Variants in SPHKAP observed in about 807,000 individuals in gnomAD.
SPHKAP encodes the protein A-kinase anchor protein SPHKAP.
A neutral mutation model predicts 137.5 loss-of-function variants in SPHKAP; 67 were observed. The ratio of observed to expected loss-of-function variants is 0.49; its 90% CI spans 0.40 to 0.60. SPHKAP has a LOEUF of 0.60. SPHKAP is among the 20% of genes least tolerant of loss of function. The pLI, the probability that SPHKAP is intolerant of heterozygous loss-of-function variation, is 0.00. For missense variants in SPHKAP, 2,097 were observed against 2,069.3 expected (o/e 1.01, Z -0.26); for synonymous variants, 813 against 785.3 (o/e 1.04, Z -0.59).
chr2:228,092,176 CAT>C (rs71043023), intron 3 of SPHKAP, among the ~76,000 whole-genome samples: 65,071 of 143,268 alleles, frequency 0.45, 14,894 homozygotes, highest in South Asian at 0.54. Flanking sequence ...TGTACACACA[CAT>C]GTGTGTACAT....
intron 3 of SPHKAP, among the ~76,000 whole-genome samples, chr2:228,031,124 AAG>A (rs1359979253): frequency 6.6e-6 from 1 of 152,180 alleles, no homozygotes; most frequent in Non-Finnish European, 1.5e-5. Context: ...TAGTCAAAGA[AAG>A]GGGTGACAGA....
At chr2:228,071,685 T>G (rs1054014136) in intron 3 of SPHKAP, among the ~76,000 whole-genome samples, 22 of 152,228 alleles carry the variant, frequency 1.4e-4, no homozygotes, top group African/African-American at 5.3e-4. Context: ...AATTTCATTT[T>G]CTTTCTTTTT....
intron 11 of SPHKAP, among the ~76,000 whole-genome samples, chr2:227,985,944 C>T (rs1316485027): frequency 6.6e-6 from 1 of 152,166 alleles, no homozygotes; most frequent in Admixed American, 6.5e-5. Context: ...GCAATTAAGG[C>T]CTGTAGAGCT....
chr2:228,118,995 G>A (rs956003555), intron 2 of SPHKAP, among the ~76,000 whole-genome samples: 1 of 152,138 alleles, frequency 6.6e-6, no homozygotes, highest in African/African-American at 2.4e-5. Flanking sequence ...TAACTATTAT[G>A]AAAATAACTA....
intron 3 of SPHKAP, among the ~76,000 whole-genome samples, chr2:228,040,657 G>T (rs1166877572): frequency 2.0e-5 from 3 of 152,186 alleles, no homozygotes; most frequent in Admixed American, 6.5e-5. Flanking sequence ...AAGAGATACA[G>T]TAAAAGGAGT....
Position 228,025,535 on chromosome 2 carries a change from A to T in SPHKAP, c.307-7T>A. The T allele has an allele frequency of 3.7e-6, 6 of 1,613,070 alleles. No homozygotes were observed. The highest frequency in any genetic ancestry group is 5.1e-6 in the Non-Finnish European group (6 of 1,179,676). On this transcript the variant is annotated splice_polypyrimidine_tract_variant and splice_region_variant and intron_variant, in intron 4 of 11. Coordinates refer to ENST00000392056, the MANE Select transcript of SPHKAP (RefSeq NM_001142644.2). ...GTGAAACGTTGACCAGTTTCTGTAA[A>T]GCAAGAATCTTTATTAGTTTAGCTG...
chr2:227,995,464 G>A (rs780532416), intron 8 of SPHKAP, 45 bp downstream of exon 8: 1 of 1,606,914 alleles, frequency 6.2e-7, no homozygotes, highest in Non-Finnish European at 8.5e-7. Flanking sequence ...TTTAGAATCT[G>A]TGTTGAGACC....
Position 228,017,426 on chromosome 2 carries a change from C to T in SPHKAP, c.3428G>A (p.Gly1143Glu), listed in dbSNP as rs868719817. Residue 1143 changes from glycine to glutamate, a missense_variant, in exon 7 of 12, where the codon GGA becomes GAA. Coordinates refer to ENST00000392056, the MANE Select transcript of SPHKAP (RefSeq NM_001142644.2). ...MVNQMENEGR[G>E]FELLLDYYAG... is the part of the protein sequence containing the mutation. ...ATAGTAATCCAGCAGTAACTCAAAT[C>T]CTCTCCCTTCATTTTCCATCTGGTT... 5 of 1,614,032 alleles carry T rather than the reference C, an allele frequency of 3.1e-6. No homozygotes were observed. In the South Asian group the frequency reaches 5.5e-5, roughly 18 times the overall value.
chr2:228,150,010 A>G (rs923565610), intron 1 of SPHKAP, among the ~76,000 whole-genome samples: 1 of 152,140 alleles, frequency 6.6e-6, no homozygotes, highest in African/African-American at 2.4e-5. Context: ...TTACACCACC[A>G]TGTATTATGC....
intron 1 of SPHKAP, among the ~76,000 whole-genome samples, chr2:228,134,033 A>AAAGG (rs1481456697): frequency 2.0e-5 from 3 of 152,090 alleles, no homozygotes; most frequent in East Asian, 3.9e-4. Flanking sequence ...AAGATAAAAG[A>AAAGG]AAGGAAGGAA....
chr2:228,059,631 C>A (rs1280347112), intron 3 of SPHKAP, among the ~76,000 whole-genome samples: 1 of 152,174 alleles, frequency 6.6e-6, no homozygotes, highest in African/African-American at 2.4e-5. Flanking sequence ...TCCTCCAATT[C>A]TTGTCTTTAG....
chr2:228,069,418 CT>C (rs987331220), intron 3 of SPHKAP, among the ~76,000 whole-genome samples: 1 of 148,744 alleles, frequency 6.7e-6, no homozygotes, highest in East Asian at 2.0e-4. Flanking sequence ...TACTAAATTT[CT>C]TTTTTTTCCT....
intron 2 of SPHKAP, among the ~76,000 whole-genome samples, chr2:228,126,585 A>T (rs888523351): frequency 6.6e-6 from 1 of 152,236 alleles, no homozygotes; most frequent in Middle Eastern, 3.2e-3. Flanking sequence ...GGATGACCAT[A>T]TAAGTTATTT....
intron 2 of SPHKAP, among the ~76,000 whole-genome samples, chr2:228,124,781 G>A (rs980965312): frequency 5.9e-5 from 9 of 152,096 alleles, no homozygotes; most frequent in South Asian, 2.1e-4. Context: ...AAAGCCTTCC[G>A]ATTTGTATGC....
At chr2:228,132,690 T>G (rs547233920) in intron 1 of SPHKAP, 1 of 156,794 alleles carries the variant, frequency 6.4e-6, no homozygotes, top group South Asian at 2.0e-4. Context: ...CAGAGCTGCA[T>G]AAATATTTTA....
intron 3 of SPHKAP, among the ~76,000 whole-genome samples, chr2:228,068,094 G>T (rs12999296): frequency 6.6e-6 from 1 of 151,932 alleles, no homozygotes; most frequent in Non-Finnish European, 1.5e-5. Flanking sequence ...TGAACAATCT[G>T]AAAAAGAAGT....
chr2:228,052,138 A>G (rs1350346779), intron 3 of SPHKAP, among the ~76,000 whole-genome samples: 2 of 152,150 alleles, frequency 1.3e-5, no homozygotes, highest in Non-Finnish European at 2.9e-5. Flanking sequence ...GTAAAATTTA[A>G]TTGAAGTATT....
At chr2:228,082,028 A>G (rs1697379639) in intron 3 of SPHKAP, among the ~76,000 whole-genome samples, 1 of 152,220 alleles carries the variant, frequency 6.6e-6, no homozygotes, top group South Asian at 2.1e-4. Context: ...ATGTAGACAT[A>G]TATCAAAACA....
At chr2:228,029,377 T>C (rs1248279888) in intron 3 of SPHKAP, among the ~76,000 whole-genome samples, 1 of 152,218 alleles carries the variant, frequency 6.6e-6, no homozygotes, top group Non-Finnish European at 1.5e-5. Context: ...ATGGAAAGGT[T>C]TTGAGAAAGA....
Sources: gnomAD v4.1 joint callset for allele counts (sites outside exome capture counted in the v4.1 genomes callset) on GRCh38, gnomAD v4.1.1 for gene constraint, MANE v1.5 for transcripts, NCBI Gene and HGNC (gene_info 2026-07-23, HGNC 2026-07-21) for gene names.